EMP3: variants seen among roughly 807,000 people sequenced by gnomAD.
The protein encoded by EMP3 is epithelial membrane protein 3 (MAM blood group).
Under a neutral mutation model 21.6 loss-of-function variants are expected in EMP3, and 15 were observed. The observed-to-expected ratio is 0.69, with a 90% CI of 0.46 to 1.07. EMP3 has a LOEUF of 1.07. Ranked by LOEUF, EMP3 falls within the 50% of genes least tolerant of loss-of-function variation. The pLI is 0.00. For synonymous variants in EMP3, 107 were observed against 86.1 expected (o/e 1.24, Z -1.34); for missense variants, 183 against 206.6 (o/e 0.89, Z 0.70).
In EMP3 at chr19:48,329,380, G is replaced by T. The variant is rs535964111; in HGVS notation, c.210G>T (p.Met70Ile). Residue 70 changes from methionine (M) to isoleucine (I), a missense_variant, in exon 4 of 5, where the codon ATG (methionine) becomes ATT (isoleucine). Physicochemically the swap from Met to Ile is conservative, Grantham distance 10. Coordinates refer to ENST00000270221, the MANE Select transcript of EMP3 (RefSeq NM_001425.3). This position sits in a 1 kb window ranked among gnomAD's most constrained non-coding sequence, Gnocchi z 4.5. ...NGWLKAVQVL[M>I]VLSLILCCLS... ...GGCTGAAGGCGGTGCAGGTCCTCAT[G>T]GTGCTCTCCCTCATTCTCTGCTGTC... The T allele has an allele frequency of 3.7e-6, 6 of 1,614,038 alleles. No homozygotes were observed. Among genetic ancestry groups the T allele is most frequent in the Non-Finnish European group, 5.1e-6 (6 of 1,180,002 alleles).
At position 48,329,201 on chromosome 19, in the gene EMP3, TC is replaced by T; in HGVS notation, c.182-150del. On this transcript the variant is annotated intron_variant, in intron 3 of 4. Coordinates refer to ENST00000270221, the MANE Select transcript of EMP3 (RefSeq NM_001425.3). The surrounding 1 kb of genome is among the most constrained non-coding windows in gnomAD (Gnocchi z 4.5). ...TATAGCAAGGTAACAGGGCTCAAGG[TC>T]AAAATAAGTGATACATCTAAGTATC... 1.1e-6 allele frequency: 1 copy of T among 902,690 alleles called. No homozygotes were observed. 55.9% of individuals were successfully genotyped at this position (902,690 alleles called of 1,614,324 possible). A position where few individuals can be genotyped will look rare whatever the true frequency, so the allele number is the denominator to read the frequency against.
chr19:48,330,323 C>T lies in EMP3; in HGVS notation c.345C>T (p.Ala115=), dbSNP rs1969185790. 16 of 1,595,656 alleles carry T rather than the reference C, an allele frequency of 1.0e-5. No homozygotes were observed. The highest frequency in any genetic ancestry group is 2.7e-5 in the African/African-American group (2 of 73,496). ...LCTSVAVFTG[A]LIYAIHAEEI... ...CAGGCGTGGCGGTGTTTACTGGCGC[C>T]TTGATCTATGCCATTCACGCCGAGG... is the stretch of plus-strand genomic sequence containing the variant. The change falls in exon 5 of 5, where the codon GCC becomes GCT. Residue 115 remains alanine (A), a synonymous_variant. Transcript: ENST00000270221.
chr19:48,328,268 C>T (rs546407434), intron 3 of EMP3, among the ~76,000 whole-genome samples: 5 of 151,852 alleles, frequency 3.3e-5, no homozygotes, highest in South Asian at 2.1e-4. Flanking sequence ...AAAAATTAGC[C>T]GGGCATGGTG....
At chr19:48,326,734 C>A (rs1969128715) in intron 1 of EMP3, 96 bp from the exon 2 acceptor site, 1 of 982,598 alleles carries the variant, frequency 1.0e-6, no homozygotes, top group Non-Finnish European at 1.6e-6. Flanking sequence ...AGGTGATCCT[C>A]CCGCCTCGGC....
At chr19:48,328,727 G>A (rs1022354196) in intron 3 of EMP3, among the ~76,000 whole-genome samples, 1 of 152,194 alleles carries the variant, frequency 6.6e-6, no homozygotes, top group Non-Finnish European at 1.5e-5. Context: ...AGTAGCCAAT[G>A]CAAGAAGGCA....
intron 1 of EMP3, among the ~76,000 whole-genome samples, chr19:48,326,493 A>ATTTT (rs34741493): frequency 6.9e-6 from 1 of 144,416 alleles, no homozygotes; most frequent in African/African-American, 2.6e-5. Context: ...TTTATGCCAA[A>ATTTT]TTTTTTTTTT....
In EMP3 at chr19:48,330,549, C is replaced by A. The variant is rs11665; in HGVS notation, c.*79C>A. On this transcript the variant is annotated 3_prime_UTR_variant, in exon 5 of 5. Coordinates refer to ENST00000270221, the MANE Select transcript of EMP3 (RefSeq NM_001425.3). ...GTCCTCCAAAAAATAAAACCTTAACCGCGGGCTCTGCCTTGATCTTCCTTC... is the reference window on the plus strand; with the variant it reads ...GTCCTCCAAAAAATAAAACCTTAACAGCGGGCTCTGCCTTGATCTTCCTTC... 1.5e-4 allele frequency: 192 copies of A among 1,316,790 alleles called. No individual in the cohort carries two copies. The highest frequency in any genetic ancestry group is 1.8e-4 in the Non-Finnish European group (173 of 981,066). The allele number at this position is 1,316,790 out of a possible 1,614,324, so 81.6% of individuals were successfully genotyped here. A position where few individuals can be genotyped will look rare whatever the true frequency, so the allele number is the denominator to read the frequency against.
rs760017422 is a variant in EMP3 at position 48,330,395 on chromosome 19, C to T, written c.417C>T (p.Phe139=). The change falls in exon 5 of 5, where the codon TTC becomes TTT. Residue 139 remains phenylalanine, a synonymous_variant. Transcript: ENST00000270221. ...GAGGGGGCAGCTTCGGATACTGCTTCGCCCTGGCCTGGGTGGCCTTCCCCC... is the reference window on the plus strand; with the variant it reads ...GAGGGGGCAGCTTCGGATACTGCTTTGCCCTGGCCTGGGTGGCCTTCCCCC... The part of the protein sequence containing the change: ...HPRGGSFGYC[F]ALAWVAFPLA... 2 of 1,606,590 alleles carry T rather than the reference C, an allele frequency of 1.2e-6. No homozygotes were observed. Among genetic ancestry groups the T allele is most frequent in the Admixed American group, 1.7e-5 (1 of 59,176 alleles).
At chr19:48,330,168 G>A (rs1016963312) in intron 4 of EMP3, 133 bp from the exon 5 acceptor site, 135 of 1,315,288 alleles carry the variant, frequency 1.0e-4, no homozygotes, top group Non-Finnish European at 1.3e-4. Context: ...CTGGGCGGGG[G>A]GGAAAGAACC....
rs570336125 is a variant in EMP3 at position 48,326,904 on chromosome 19, C to G, written c.60C>G (p.Phe20Leu). 6.2e-6 allele frequency: 10 copies of G among 1,614,116 alleles called. No individual in the cohort carries two copies. Among genetic ancestry groups the G allele is most frequent in the Non-Finnish European group, 8.5e-6 (10 of 1,180,002 alleles). Residue 20 changes from phenylalanine to leucine, a missense_variant, in exon 2 of 5, where the codon TTC becomes TTG. Physicochemically the swap from Phe to Leu is conservative, Grantham distance 22. Transcript: ENST00000270221. ...ACATCCTCATTCTTATACTGCTTTT[C>G]GTGGCCACTTTGGACAAGGTAAGCC... ...ALHILILILL[F>L]VATLDKSWWT... is the part of the protein sequence containing the mutation.
In EMP3 at chr19:48,330,504, C is replaced by T. The variant is rs1569018966; in HGVS notation, c.*34C>T. 5 of 1,529,026 alleles carry T rather than the reference C, an allele frequency of 3.3e-6. No homozygotes were observed. The highest frequency in any genetic ancestry group is 4.4e-6 in the Non-Finnish European group (5 of 1,144,318). The allele number at this position is 1,529,026 out of a possible 1,614,324, so 94.7% of individuals were successfully genotyped here. A position where few individuals can be genotyped will look rare whatever the true frequency, so the allele number is the denominator to read the frequency against. On this transcript the variant is annotated 3_prime_UTR_variant, in exon 5 of 5. Transcript: ENST00000270221. ...CCTCGCTCGGCTGCCCCCGCCCCTT[C>T]CCGGCCCCCCTCGCCGCGCGTCCTC...
chr19:48,327,173 G>A (rs961323407), intron 2 of EMP3, among the ~76,000 whole-genome samples: 4 of 151,926 alleles, frequency 2.6e-5, no homozygotes, highest in African/African-American at 4.8e-5. Flanking sequence ...GCTGGGATTA[G>A]AGGCACCTGC....
chr19:48,327,699 G>T, intron 3 of EMP3, 76 bp downstream of exon 3: 1 of 1,417,670 alleles, frequency 7.1e-7, no homozygotes, highest in South Asian at 1.2e-5. Flanking sequence ...ACTGAGAATT[G>T]GGAACCCTCC....
chr19:48,327,997 G>C (rs993542820), intron 3 of EMP3, among the ~76,000 whole-genome samples: 1 of 151,984 alleles, frequency 6.6e-6, no homozygotes, highest in African/African-American at 2.4e-5. Context: ...AGTAGAGACA[G>C]GTTTCACCAT....
chr19:48,330,524 G>A lies in EMP3; in HGVS notation c.*54G>A. On this transcript the variant is annotated 3_prime_UTR_variant, in exon 5 of 5. Coordinates refer to ENST00000270221, the MANE Select transcript of EMP3 (RefSeq NM_001425.3). ...CCCTTCCCGGCCCCCCTCGCCGCGC[G>A]TCCTCCAAAAAATAAAACCTTAACC... is the stretch of plus-strand genomic sequence containing the variant. 5 of 1,479,784 alleles carry A rather than the reference G, an allele frequency of 3.4e-6. No homozygotes were observed. The highest frequency in any genetic ancestry group is 4.5e-6 in the Non-Finnish European group (5 of 1,112,240). 91.7% of individuals were successfully genotyped at this position (1,479,784 alleles called of 1,614,324 possible). A position where few individuals can be genotyped will look rare whatever the true frequency, so the allele number is the denominator to read the frequency against.
intron 2 of EMP3, 63 bp downstream of exon 2, chr19:48,326,985 C>G (rs1267980838): frequency 1.4e-6 from 2 of 1,408,470 alleles, no homozygotes; most frequent in African/African-American, 1.4e-5. Flanking sequence ...CGCCCCTCCT[C>G]TAAAGGCATT....
At chr19:48,327,909 G>T (rs1053136695) in intron 3 of EMP3, 1 of 365,400 alleles carries the variant, frequency 2.7e-6, no homozygotes, top group Non-Finnish European at 5.1e-6. Flanking sequence ...CGGGGTCCGA[G>T]CAATTCTCCT....
intron 1 of EMP3, among the ~76,000 whole-genome samples, chr19:48,326,310 G>T (rs1004309564): frequency 1.3e-5 from 2 of 151,978 alleles, no homozygotes; most frequent in African/African-American, 4.8e-5. Context: ...TGGGGAGAGA[G>T]GAGCCACATT....
Position 48,326,863 on chromosome 19 carries a change from G to C in EMP3, c.19G>C (p.Val7Leu). 1 of 1,613,958 alleles carries C rather than the reference G, an allele frequency of 6.2e-7. No homozygotes were observed. Among genetic ancestry groups the C allele is most frequent in the African/African-American group, 1.3e-5 (1 of 75,004 alleles). ...TGCAGCCATGTCACTCCTCTTGCTGGTGGTCTCAGCCCTTCACATCCTCAT... is the reference window on the plus strand; with the variant it reads ...TGCAGCCATGTCACTCCTCTTGCTGCTGGTCTCAGCCCTTCACATCCTCAT... The part of the protein sequence containing the change: MSLLLL[V>L]VSALHILILI... Residue 7 changes from valine to leucine, a missense_variant, in exon 2 of 5, where the codon GTG becomes CTG. Coordinates refer to ENST00000270221, the MANE Select transcript of EMP3 (RefSeq NM_001425.3).
Sources: allele counts gnomAD v4.1 joint callset (sites outside exome capture counted in the v4.1 genomes callset), GRCh38; gene constraint gnomAD v4.1.1; non-coding constraint Gnocchi (gnomAD v3.1); transcripts MANE v1.5; gene names NCBI Gene and HGNC (gene_info 2026-07-23, HGNC 2026-07-21).